Variants in ALPK2 observed in about 807,000 individuals in gnomAD.
ALPK2 encodes the protein alpha-protein kinase 2.
In ALPK2, 127 loss-of-function variants were observed where a neutral mutation model predicts 163.1. The observed-to-expected ratio is 0.78, with a 90% confidence interval of 0.67 to 0.90. The LOEUF (loss-of-function observed/expected upper bound fraction) is 0.90, where lower values mean the gene tolerates loss of function less well. Among genes scored for constraint, ALPK2 ranks in the 40% least tolerant of loss-of-function variants. ALPK2 has a pLI of 0.00. For synonymous variants in ALPK2, 953 were observed against 959.1 expected (o/e 0.99, Z 0.12); for missense variants, 2,360 against 2,589.6 (o/e 0.91, Z 1.92).
At chr18:58,608,966 A>AAAAAAG (rs1555677303) in intron 2 of ALPK2, among the ~76,000 whole-genome samples, 5 of 151,528 alleles carry the variant, frequency 3.3e-5, no homozygotes, top group African/African-American at 7.3e-5. Context: ...TCAAAAAAAA[A>AAAAAAG]AAAAGAAAAG....
chr18:58,601,975 G>A (rs1013075887), intron 3 of ALPK2, among the ~76,000 whole-genome samples: 2 of 152,086 alleles, frequency 1.3e-5, no homozygotes, highest in South Asian at 2.1e-4. Context: ...GCCTCCTCCC[G>A]CCAGATGCAG....
intron 6 of ALPK2, among the ~76,000 whole-genome samples, chr18:58,524,924 G>A (rs572976306): frequency 8.3e-5 from 11 of 131,758 alleles, no homozygotes; most frequent in Admixed American, 3.3e-4. Flanking sequence ...TTATTCCAAA[G>A]TCTCAAACAA....
At chr18:58,490,683 A>G (rs1263642025) in intron 12 of ALPK2, among the ~76,000 whole-genome samples, 1 of 151,760 alleles carries the variant, frequency 6.6e-6, no homozygotes, top group Non-Finnish European at 1.5e-5. Flanking sequence ...ATGTGAGAGG[A>G]GGGCAGAGGT....
intron 3 of ALPK2, among the ~76,000 whole-genome samples, chr18:58,588,629 C>T (rs373233421): frequency 4.6e-5 from 7 of 152,282 alleles, no homozygotes; most frequent in African/African-American, 1.7e-4. Context: ...GTTCCCCTCC[C>T]TGTGTCCATG....
At position 58,580,319 on chromosome 18, in the gene ALPK2, T is replaced by A; in HGVS notation, c.457A>T (p.Ile153Phe). 3 of 1,614,098 alleles carry A rather than the reference T, an allele frequency of 1.9e-6. No individual in the cohort carries two copies. The highest frequency in any genetic ancestry group is 2.5e-6 in the Non-Finnish European group (3 of 1,180,026). ...GCTGACCTGGGAGTGCCCGGGGAGATGCTTTCTTCTTCCTTATAAGGATGT... is the reference window on the plus strand; with the variant it reads ...GCTGACCTGGGAGTGCCCGGGGAGAAGCTTTCTTCTTCCTTATAAGGATGT... The part of the protein sequence containing the change: ...KEHPYKEEES[I>F]SPGTPRSADS... The change falls in exon 4 of 13, where the codon ATC becomes TTC. Residue 153 changes from isoleucine to phenylalanine, a missense_variant. Physicochemically the swap from Ile to Phe is conservative, Grantham distance 21. Coordinates refer to ENST00000361673, the MANE Select transcript of ALPK2 (RefSeq NM_052947.4).
intron 12 of ALPK2, among the ~76,000 whole-genome samples, chr18:58,492,133 C>G (rs1224419677): frequency 6.8e-6 from 1 of 146,834 alleles, no homozygotes; most frequent in Non-Finnish European, 1.5e-5. Flanking sequence ...TTCAAACAGG[C>G]AAGGTCTCTT....
chr18:58,541,061 AT>A (rs1378997428), intron 4 of ALPK2, among the ~76,000 whole-genome samples: 3 of 152,194 alleles, frequency 2.0e-5, no homozygotes, highest in African/African-American at 7.2e-5. Flanking sequence ...TTCCATTGAG[AT>A]TTATTTGCAC....
chr18:58,539,564 T>A (rs2051679381), intron 4 of ALPK2, among the ~76,000 whole-genome samples: 1 of 152,202 alleles, frequency 6.6e-6, no homozygotes, highest in Non-Finnish European at 1.5e-5. Flanking sequence ...TTACTTCTAA[T>A]TTCTGAAGCA....
Position 58,524,050 on chromosome 18 carries a change from G to A in ALPK2, c.5514C>T (p.Asn1838=). The A allele has an allele frequency of 3.1e-6, 5 of 1,613,628 alleles. No homozygotes were observed. The highest frequency in any genetic ancestry group is 3.4e-6 in the Non-Finnish European group (4 of 1,179,670). The change falls in exon 7 of 13, where the codon AAC becomes AAT. Residue 1838 remains asparagine, a synonymous_variant. Transcript: ENST00000361673. The part of the protein sequence containing the change: ...IAQVQRSAGD[N]STVSFAIVQA... ...GCACGATGGCAAAGGAAACAGTGGA[G>A]TTGTCCCCTGCACTGCAATGAGGAA...
chr18:58,502,269 C>G (rs2051436544), intron 11 of ALPK2, among the ~76,000 whole-genome samples: 1 of 151,924 alleles, frequency 6.6e-6, no homozygotes, highest in South Asian at 2.1e-4. Context: ...GCAGGAGGGT[C>G]ACTTGAGTCC....
At chr18:58,619,147 G>A (rs1036418404) in intron 1 of ALPK2, among the ~76,000 whole-genome samples, 1 of 152,184 alleles carries the variant, frequency 6.6e-6, no homozygotes, top group African/African-American at 2.4e-5. Context: ...GCATGGGGAG[G>A]AAGAAGACCA....
At chr18:58,616,944 C>T (rs1301301355) in intron 1 of ALPK2, among the ~76,000 whole-genome samples, 2 of 152,034 alleles carry the variant, frequency 1.3e-5, no homozygotes, top group African/African-American at 2.4e-5. Flanking sequence ...GGACTGGGCC[C>T]ACAACCTGTG....
At chr18:58,589,602 T>C (rs1223894319) in intron 3 of ALPK2, among the ~76,000 whole-genome samples, 1 of 152,202 alleles carries the variant, frequency 6.6e-6, no homozygotes, top group African/African-American at 2.4e-5. Flanking sequence ...ATCAAAATGA[T>C]ATACTCTTCA....
In ALPK2 at chr18:58,491,487, C is replaced by G. The variant is rs950367418; in HGVS notation, c.6296+6562G>C. Among the ~76,000 whole-genome samples, 8 of 152,176 alleles carry G rather than the reference C, an allele frequency of 5.3e-5. No individual in the cohort carries two copies. In the South Asian group the frequency reaches 1.7e-3, roughly 32 times the overall value. On this transcript the variant is annotated intron_variant, in intron 12 of 12. Coordinates refer to ENST00000361673, the MANE Select transcript of ALPK2 (RefSeq NM_052947.4). ...CTGGTGCTTGAGATGTTTTTCAGAC[C>G]CTGCCCTCGATGGATCAACTGGCGC...
In ALPK2 at chr18:58,535,430, T is replaced by C; in HGVS notation, c.4757A>G (p.Gln1586Arg). The C allele has an allele frequency of 6.2e-7, 1 of 1,614,226 alleles. No individual in the cohort carries two copies. ...CTCATTCTCAATAGTTCCCCTTTTC[T>C]GTGAAACAGGAAACACATACTGACG... Reference protein sequence around the residue: ...RKRQYVFPVSQKRGTIENERG... With the variant: ...RKRQYVFPVSRKRGTIENERG... The change falls in exon 5 of 13, where the codon CAG becomes CGG. Residue 1586 changes from glutamine to arginine, a missense_variant. Coordinates refer to ENST00000361673, the MANE Select transcript of ALPK2 (RefSeq NM_052947.4).
chr18:58,550,552 TATCATATATGACTCTA>T (rs2051751472), intron 4 of ALPK2, among the ~76,000 whole-genome samples: 2 of 10,514 alleles, frequency 1.9e-4, no homozygotes, highest in African/African-American at 3.8e-4. Flanking sequence ...TCCCCATCTC[TATCATATATGACTCTA>T]CCCTCATCTA....
chr18:58,555,550 C>A (rs1230938771), intron 4 of ALPK2, among the ~76,000 whole-genome samples: 1 of 152,208 alleles, frequency 6.6e-6, no homozygotes, highest in Non-Finnish European at 1.5e-5. Flanking sequence ...ACCAATATTA[C>A]TATTTATTGA....
At chr18:58,610,901 C>T (rs2052125543) in intron 2 of ALPK2, among the ~76,000 whole-genome samples, 1 of 152,110 alleles carries the variant, frequency 6.6e-6, no homozygotes, top group Non-Finnish European at 1.5e-5. Context: ...TCAAGACCAG[C>T]CTGACCAACA....
chr18:58,493,526 A>C (rs1404156925), intron 12 of ALPK2, among the ~76,000 whole-genome samples: 1 of 152,066 alleles, frequency 6.6e-6, no homozygotes, highest in Non-Finnish European at 1.5e-5. Context: ...TGGGCATTGA[A>C]GGCAGAGCCT....
Sources: allele counts gnomAD v4.1 joint callset (sites outside exome capture counted in the v4.1 genomes callset), GRCh38; gene constraint gnomAD v4.1.1; transcripts MANE v1.5; gene names NCBI Gene and HGNC (gene_info 2026-07-23, HGNC 2026-07-21).